Variants in MACROD2 observed in about 807,000 individuals in gnomAD.
MACROD2 encodes the protein ADP-ribose glycohydrolase MACROD2.
A neutral mutation model predicts 70.4 loss-of-function variants in MACROD2; 36 were observed. The observed-to-expected ratio is 0.51, with a 90% CI of 0.39 to 0.68. MACROD2 has a LOEUF of 0.68. Among genes scored for constraint, MACROD2 ranks in the 30% least tolerant of loss-of-function variants. MACROD2 has a pLI of 0.00. For missense variants in MACROD2, 496 were observed against 538.4 expected (o/e 0.92, Z 0.78); for synonymous variants, 172 against 178.8 (o/e 0.96, Z 0.30).
At chr20:14,118,378 A>T (rs2054540748) in intron 3 of MACROD2, among the ~76,000 whole-genome samples, 1 of 152,208 alleles carries the variant, frequency 6.6e-6, no homozygotes. Context: ...AGACTCTGCC[A>T]CTGGCATTCT....
chr20:15,999,316 T>C (rs911347510), intron 15 of MACROD2, among the ~76,000 whole-genome samples: 26 of 152,350 alleles, frequency 1.7e-4, no homozygotes, highest in African/African-American at 6.3e-4. Context: ...TGTTATTGTT[T>C]TTTAGTTTTA....
intron 5 of MACROD2, among the ~76,000 whole-genome samples, chr20:15,047,498 G>T (rs985271459): frequency 1.3e-5 from 2 of 152,180 alleles, no homozygotes; most frequent in African/African-American, 4.8e-5. Flanking sequence ...ACTCATTTGT[G>T]TCAGGGTAGT....
chr20:15,340,767 A>T (rs1188932722), intron 6 of MACROD2, among the ~76,000 whole-genome samples: 1 of 146,674 alleles, frequency 6.8e-6, no homozygotes, highest in African/African-American at 2.5e-5. Context: ...CACCCCGCAA[A>T]CACACACTTT....
At chr20:14,717,024 T>A (rs558751234) in intron 5 of MACROD2, among the ~76,000 whole-genome samples, 36 of 152,074 alleles carry the variant, frequency 2.4e-4, no homozygotes, top group African/African-American at 8.7e-4. Flanking sequence ...TTAAAAAATT[T>A]AAAACAAAAA....
At chr20:14,702,687 GTATATATA>G (rs1187124691) in intron 5 of MACROD2, among the ~76,000 whole-genome samples, 2 of 133,314 alleles carry the variant, frequency 1.5e-5, no homozygotes, top group African/African-American at 5.6e-5. Flanking sequence ...ACATATATGT[GTATATATA>G]TGTATATATA....
intron 5 of MACROD2, among the ~76,000 whole-genome samples, chr20:15,104,572 G>T (rs1456386507): frequency 6.6e-6 from 1 of 152,160 alleles, no homozygotes; most frequent in African/African-American, 2.4e-5. Flanking sequence ...TGATACTTCA[G>T]CAGGTAATTT....
At chr20:15,411,936 C>T (rs750803392) in intron 6 of MACROD2, among the ~76,000 whole-genome samples, 1 of 152,178 alleles carries the variant, frequency 6.6e-6, no homozygotes, top group Non-Finnish European at 1.5e-5. Flanking sequence ...ATGGAAGTGC[C>T]TCTGATCTAG....
At chr20:14,466,948 G>A (rs568822010) in intron 3 of MACROD2, among the ~76,000 whole-genome samples, 12 of 152,242 alleles carry the variant, frequency 7.9e-5, no homozygotes, top group African/African-American at 2.2e-4. Flanking sequence ...GCCCCTACTC[G>A]GGGGTGCCTC....
Position 15,759,364 on chromosome 20 carries a change from T to C in MACROD2, c.646-103381T>C, listed in dbSNP as rs148280150. Reference sequence around the variant, plus strand: ...ACTGGAAGTAAAAATAATTACTATTTAATTACAGAAATGTGTACTCCAATG... The same window carrying C: ...ACTGGAAGTAAAAATAATTACTATTCAATTACAGAAATGTGTACTCCAATG... On this transcript the variant is annotated intron_variant, in intron 8 of 17. Coordinates refer to ENST00000684519, the MANE Select transcript of MACROD2 (RefSeq NM_001351661.2). Among the ~76,000 whole-genome samples, 10 of 152,298 alleles carry C rather than the reference T, an allele frequency of 6.6e-5. No individual in the cohort carries two copies. In the East Asian group the frequency reaches 1.9e-3, roughly 29 times the overall value.
intron 3 of MACROD2, among the ~76,000 whole-genome samples, chr20:14,211,905 T>C (rs2081574671): frequency 6.6e-6 from 1 of 152,190 alleles, no homozygotes; most frequent in African/African-American, 2.4e-5. Flanking sequence ...TTGTGGTTTC[T>C]CTACACCTTA....
chr20:14,107,321 C>A (rs1036862195), intron 3 of MACROD2, among the ~76,000 whole-genome samples: 2 of 151,822 alleles, frequency 1.3e-5, no homozygotes, highest in African/African-American at 4.8e-5. Context: ...TTAATGAGCT[C>A]AAAGACAGGC....
At chr20:14,771,143 TGCCTGATG>T (rs1416061014) in intron 5 of MACROD2, among the ~76,000 whole-genome samples, 7 of 152,088 alleles carry the variant, frequency 4.6e-5, no homozygotes, top group African/African-American at 1.7e-4. Context: ...TCACTCTTTC[TGCCTGATG>T]GCTTGAGCTG....
chr20:14,631,644 G>C (rs769110560), intron 4 of MACROD2, among the ~76,000 whole-genome samples: 47 of 152,186 alleles, frequency 3.1e-4, no homozygotes, highest in African/African-American at 1.0e-3. Context: ...GCATGGTGGC[G>C]GGCGCCTGTA....
chr20:14,241,955 T>C (rs773427699), intron 3 of MACROD2, among the ~76,000 whole-genome samples: 3 of 152,180 alleles, frequency 2.0e-5, no homozygotes, highest in Admixed American at 6.5e-5. Context: ...ATAAACCTTA[T>C]GATTAAACAT....
At chr20:14,376,517 G>A (rs2083372188) in intron 3 of MACROD2, among the ~76,000 whole-genome samples, 1 of 152,090 alleles carries the variant, frequency 6.6e-6, no homozygotes, top group African/African-American at 2.4e-5. Context: ...GGAGGCCAAG[G>A]TGGGAGGATC....
At chr20:14,903,893 G>A (rs774999896) in intron 5 of MACROD2, among the ~76,000 whole-genome samples, 7 of 152,158 alleles carry the variant, frequency 4.6e-5, no homozygotes, top group Admixed American at 2.0e-4. Flanking sequence ...ATGAAGAAGC[G>A]TGCATGAAAG....
At chr20:14,161,880 A>C (rs1374170330) in intron 3 of MACROD2, among the ~76,000 whole-genome samples, 5 of 152,210 alleles carry the variant, frequency 3.3e-5, no homozygotes, top group African/African-American at 1.2e-4. Flanking sequence ...GGAGTGAGCC[A>C]CTGTGCCCAG....
intron 3 of MACROD2, among the ~76,000 whole-genome samples, chr20:14,128,698 G>A (rs1337171994): frequency 6.6e-6 from 1 of 152,224 alleles, no homozygotes; most frequent in African/African-American, 2.4e-5. Context: ...TCAAAGGACA[G>A]GGTGACACTC....
chr20:15,502,547 C>A (rs1316224155), intron 8 of MACROD2, among the ~76,000 whole-genome samples: 1 of 152,066 alleles, frequency 6.6e-6, no homozygotes, highest in Non-Finnish European at 1.5e-5. Context: ...ACAAGCCTGG[C>A]TGCTCTTCCG....
Sources: gnomAD v4.1 joint callset for allele counts (sites outside exome capture counted in the v4.1 genomes callset) on GRCh38, gnomAD v4.1.1 for gene constraint, MANE v1.5 for transcripts, NCBI Gene and HGNC (gene_info 2026-07-23, HGNC 2026-07-21) for gene names.